The following CLVS1 variants were observed in gnomAD, a reference collection of about 807,000 sequenced individuals.
The protein encoded by CLVS1 is clavesin-1.
Under a neutral mutation model 33.1 loss-of-function variants are expected in CLVS1, and 10 were observed. The ratio of observed to expected loss-of-function variants is 0.30; its 90% CI spans 0.19 to 0.51. The LOEUF (loss-of-function observed/expected upper bound fraction) is 0.51, where lower values mean the gene tolerates loss of function less well. Ranked by LOEUF, CLVS1 falls within the 20% of genes least tolerant of loss-of-function variation. The pLI is 0.97. For synonymous variants in CLVS1, 163 were observed against 166.1 expected (o/e 0.98, Z 0.14); for missense variants, 343 against 433.4 (o/e 0.79, Z 1.85).
chr8:61,464,852 T>G (rs1255497264), intron 5 of CLVS1: 1 of 152,322 alleles, frequency 6.6e-6, no homozygotes, highest in African/African-American at 2.4e-5. Context: ...GGATCAGCCC[T>G]GCTGTTGGCG....
At chr8:61,486,224 C>G (rs908144446) in intron 5 of CLVS1, among the ~76,000 whole-genome samples, 3 of 152,174 alleles carry the variant, frequency 2.0e-5, no homozygotes, top group Non-Finnish European at 4.4e-5. Flanking sequence ...CTCAATGGGA[C>G]AGGTGGCATG....
chr8:61,117,520 G>A lies in CLVS1; in HGVS notation c.-242-14250G>A, dbSNP rs1275265818. ...ATTGGCTGTGGGTTTGTCATAGATA[G>A]CTCTTATTATTTTGAAATACATCCC... On this transcript the variant is annotated intron_variant, in intron 1 of 2. Coordinates refer to the CLVS1 transcript ENST00000522621. 2.2e-3 allele frequency among the ~76,000 whole-genome samples: 327 copies of A among 150,160 alleles called. 1 individual carries two copies. Among genetic ancestry groups the A allele is most frequent in the African/African-American group, 7.5e-3 (306 of 40,892 alleles).
intron 3 of CLVS1, among the ~76,000 whole-genome samples, chr8:61,421,786 C>T (rs748629114): frequency 7.9e-5 from 12 of 152,164 alleles, no homozygotes; most frequent in Non-Finnish European, 1.8e-4. Context: ...ATGTTGGAAG[C>T]CAATGCTTGT....
intron 3 of CLVS1, among the ~76,000 whole-genome samples, chr8:61,438,210 G>A (rs1156276883): frequency 1.3e-5 from 2 of 152,060 alleles, no homozygotes; most frequent in East Asian, 3.9e-4. Context: ...ACCAGTGTGT[G>A]TTGGTCCCCT....
At chr8:61,200,196 G>A (rs1807699347) in intron 2 of CLVS1, among the ~76,000 whole-genome samples, 1 of 152,166 alleles carries the variant, frequency 6.6e-6, no homozygotes, top group Admixed American at 6.5e-5. Context: ...TCGGCTCACT[G>A]CAACCTCCAT....
chr8:61,371,451 T>C (rs768877636), intron 2 of CLVS1, among the ~76,000 whole-genome samples: 4 of 152,138 alleles, frequency 2.6e-5, no homozygotes, highest in Non-Finnish European at 5.9e-5. Context: ...TTGTCTGTAA[T>C]AGATGTCTTG....
At chr8:61,308,962 T>C (rs1810735439) in intron 2 of CLVS1, among the ~76,000 whole-genome samples, 1 of 152,200 alleles carries the variant, frequency 6.6e-6, no homozygotes, top group South Asian at 2.1e-4. Context: ...CGGTATGCTG[T>C]TAAGTGGCAA....
At chr8:61,299,632 T>A in intron 1 of CLVS1, 45 bp from the exon 2 acceptor site, 1 of 557,798 alleles carries the variant, frequency 1.8e-6, no homozygotes, top group South Asian at 2.6e-5. Context: ...AGACTTTCTT[T>A]GTATCATCTC....
chr8:61,270,685 T>G (rs1331325438), intron 2 of CLVS1, among the ~76,000 whole-genome samples: 7 of 152,198 alleles, frequency 4.6e-5, no homozygotes, highest in Non-Finnish European at 7.3e-5. Flanking sequence ...ATTGCCATAA[T>G]TTCAGATCCT....
At chr8:61,221,098 T>G (rs71483785) in intron 2 of CLVS1, among the ~76,000 whole-genome samples, 1 of 152,140 alleles carries the variant, frequency 6.6e-6, no homozygotes, top group South Asian at 2.1e-4. Context: ...GATGATGGGG[T>G]TTTCTAAATA....
rs1371355819 is a variant in CLVS1, at chr8:61,121,078, C to T, written c.-242-10692C>T. Among the ~76,000 whole-genome samples the T allele has an allele frequency of 1.5e-4, 23 of 151,940 alleles. 1 individual carries two copies. Among genetic ancestry groups the T allele is most frequent in the African/African-American group, 5.6e-4 (23 of 41,386 alleles). On this transcript the variant is annotated intron_variant, in intron 1 of 2. Transcript: ENST00000522621. ...AGGTGCGGGGTATAATCTCGTGGTG[C>T]GCCGTTTTTTAAGCCCGTGGGAAAA...
At chr8:61,356,217 G>A (rs1052527541) in intron 2 of CLVS1, among the ~76,000 whole-genome samples, 1 of 152,042 alleles carries the variant, frequency 6.6e-6, no homozygotes, top group African/African-American at 2.4e-5. Flanking sequence ...GTCTTCTTTT[G>A]AGAAGTGTCT....
chr8:61,088,921 C>T (rs1469491140), intron 1 of CLVS1, among the ~76,000 whole-genome samples: 1 of 151,968 alleles, frequency 6.6e-6, no homozygotes, highest in African/African-American at 2.4e-5. Context: ...CCTGCCTCAG[C>T]CTCCCAAGTA....
chr8:61,342,294 A>G (rs765789437), intron 2 of CLVS1, among the ~76,000 whole-genome samples: 6 of 152,174 alleles, frequency 3.9e-5, no homozygotes, highest in Non-Finnish European at 5.9e-5. Context: ...GTGGGAGGAT[A>G]GAGAGAAAGG....
At chr8:61,371,169 G>T (rs542639848) in intron 2 of CLVS1, among the ~76,000 whole-genome samples, 5 of 152,108 alleles carry the variant, frequency 3.3e-5, no homozygotes, top group African/African-American at 1.2e-4. Context: ...TTATTTTTTT[G>T]ATTATGGCCA....
chr8:61,009,674 T>C, the CLVS1 span, among the ~76,000 whole-genome samples: 22 of 152,352 alleles, frequency 1.4e-4, no homozygotes, highest in African/African-American at 5.3e-4. Context: ...GTCTCTTACT[T>C]GTTATATATA....
chr8:61,480,893 C>T (rs1343596202), intron 5 of CLVS1, among the ~76,000 whole-genome samples: 1 of 152,102 alleles, frequency 6.6e-6, no homozygotes, highest in Non-Finnish European at 1.5e-5. Flanking sequence ...ACAGTGACCT[C>T]TCTATTCTTG....
intron 3 of CLVS1, among the ~76,000 whole-genome samples, chr8:61,404,770 C>T (rs1343693003): frequency 6.6e-6 from 1 of 152,192 alleles, no homozygotes; most frequent in Admixed American, 6.5e-5. Context: ...TCTTACTGCA[C>T]CTTAGGTATA....
chr8:61,331,800 T>TTCTTCTCCTCCTCCTCCTCC (rs1232680646), intron 2 of CLVS1, among the ~76,000 whole-genome samples: 1 of 149,830 alleles, frequency 6.7e-6, no homozygotes, highest in African/African-American at 2.5e-5. Flanking sequence ...CTTCTTCTTC[T>TTCTTCTCCTCCTCCTCCTCC]TCTTCTCCTC....
Sources: allele counts gnomAD v4.1 joint callset (sites outside exome capture counted in the v4.1 genomes callset), GRCh38; gene constraint gnomAD v4.1.1; transcripts MANE v1.5; gene names NCBI Gene and HGNC (gene_info 2026-07-23, HGNC 2026-07-21).